The following CCDC88A variants were observed in gnomAD, a reference collection of about 807,000 sequenced individuals.
CCDC88A encodes coiled-coil and HOOK domain protein 88A, also known as girdin.
In CCDC88A, 54 loss-of-function variants were observed where a neutral mutation model predicts 234.3. The observed-to-expected ratio is 0.23, with a 90% CI of 0.19 to 0.29. CCDC88A has a LOEUF of 0.29. CCDC88A is among the 10% of genes least tolerant of loss of function. CCDC88A has a pLI of 1.00. For synonymous variants in CCDC88A, 753 were observed against 737.8 expected (o/e 1.02, Z -0.33); for missense variants, 1,832 against 2,123.4 (o/e 0.86, Z 2.70).
intron 2 of CCDC88A, among the ~76,000 whole-genome samples, chr2:55,408,115 C>G (rs1475020176): frequency 6.6e-6 from 1 of 152,020 alleles, no homozygotes; most frequent in Non-Finnish European, 1.5e-5. Context: ...TCCTTCTCCA[C>G]TTTACGTATC....
intron 2 of CCDC88A, chr2:55,416,967 C>T (rs1286004739): frequency 6.7e-6 from 1 of 149,600 alleles, no homozygotes. Context: ...ATTAGGACAC[C>T]GAAAAAAAAT....
chr2:55,389,049 T>G (rs911401729), intron 2 of CCDC88A, among the ~76,000 whole-genome samples, 163 bp from the exon 3 acceptor site: 1 of 152,182 alleles, frequency 6.6e-6, no homozygotes, highest in African/African-American at 2.4e-5. Flanking sequence ...TGACATGTAT[T>G]CCGTGCTTCT....
At chr2:55,407,679 AT>A (rs1411856926) in intron 2 of CCDC88A, among the ~76,000 whole-genome samples, 26 of 151,116 alleles carry the variant, frequency 1.7e-4, no homozygotes, top group African/African-American at 6.3e-4. Context: ...CCACTATTAC[AT>A]TATTTCTTAA....
intron 2 of CCDC88A, among the ~76,000 whole-genome samples, chr2:55,399,147 A>T (rs1678139855): frequency 6.6e-6 from 1 of 152,172 alleles, no homozygotes; most frequent in South Asian, 2.1e-4. Flanking sequence ...GAAGTCATAG[A>T]CAATGTCTAA....
intron 17 of CCDC88A, among the ~76,000 whole-genome samples, chr2:55,327,011 GACA>G (rs1684349136): frequency 6.6e-6 from 1 of 152,134 alleles, no homozygotes; most frequent in African/African-American, 2.4e-5. Context: ...AAAAATTCAG[GACA>G]ACAAGCAGGT....
At chr2:55,403,486 A>G (rs1270336803) in intron 2 of CCDC88A, 2 of 152,276 alleles carry the variant, frequency 1.3e-5, no homozygotes, top group Non-Finnish European at 2.9e-5. Context: ...CGAGAAGAAT[A>G]CAATGATTGC....
chr2:55,371,615 G>A (rs1297637356), intron 5 of CCDC88A, among the ~76,000 whole-genome samples: 1 of 152,078 alleles, frequency 6.6e-6, no homozygotes, highest in Non-Finnish European at 1.5e-5. Context: ...GTTTGCCTGG[G>A]ACAGTCCCAG....
intron 3 of CCDC88A, among the ~76,000 whole-genome samples, chr2:55,383,894 G>GAAATA (rs1675025055): frequency 6.6e-6 from 1 of 152,102 alleles, no homozygotes; most frequent in African/African-American, 2.4e-5. Context: ...TCTATTAACT[G>GAAATA]TATATATAAA....
chr2:55,411,998 A>T (rs61379198), intron 2 of CCDC88A, among the ~76,000 whole-genome samples: 84,701 of 151,900 alleles, frequency 0.56, 24,852 homozygotes, highest in Admixed American at 0.65. Context: ...AACAAAAAGG[A>T]GAAACAGAAG....
intron 25 of CCDC88A, among the ~76,000 whole-genome samples, chr2:55,304,021 T>G (rs1244481119): frequency 6.6e-6 from 1 of 152,186 alleles, no homozygotes; most frequent in East Asian, 1.9e-4. Flanking sequence ...TTAAAAACTT[T>G]AAGATTTCGA....
chr2:55,417,937 T>C (rs1386724546), intron 2 of CCDC88A: 1 of 135,558 alleles, frequency 7.4e-6, no homozygotes, highest in Non-Finnish European at 1.6e-5. Context: ...AGACTAAGTA[T>C]ACATTACTTT....
chr2:55,295,154 A>T, intron 31 of CCDC88A: 1 of 1,307,362 alleles, frequency 7.6e-7, no homozygotes, highest in South Asian at 1.2e-5. Flanking sequence ...GGCATGCAGA[A>T]GTGACAAGAT....
chr2:55,301,090 C>G (rs1248743287), intron 28 of CCDC88A, 116 bp downstream of exon 28: 2 of 656,400 alleles, frequency 3.0e-6, no homozygotes, highest in African/African-American at 3.7e-5. Flanking sequence ...CTATGAGATG[C>G]AGGATAGAGA....
At chr2:55,293,908 T>C (rs1679728836) in intron 31 of CCDC88A, 1 of 149,476 alleles carries the variant, frequency 6.7e-6, no homozygotes, top group African/African-American at 2.5e-5. Flanking sequence ...TTAACAAATA[T>C]TTTCTTACTT....
intron 22 of CCDC88A, 166 bp from the exon 23 acceptor site, chr2:55,312,745 C>A: frequency 1.8e-6 from 1 of 542,222 alleles, no homozygotes; most frequent in South Asian, 2.7e-5. Flanking sequence ...ACCTACAGCA[C>A]TGGGTTACAT....
rs960657882 is a variant in CCDC88A at position 55,367,483 on chromosome 2, T to C, written c.403-3450A>G. On this transcript the variant is annotated intron_variant, in intron 5 of 32. Coordinates refer to ENST00000436346, the MANE Select transcript of CCDC88A (RefSeq NM_001365480.1). ...TGAGCTATATTTGTATTTTTAAATA[T>C]TCTCAGAAAAACAAATGCCTTGCTA... is the stretch of plus-strand genomic sequence containing the variant. Among the ~76,000 whole-genome samples, 13 of 150,486 alleles carry C rather than the reference T, an allele frequency of 8.6e-5. 1 individual carries two copies. Among genetic ancestry groups the C allele is most frequent in the African/African-American group, 3.2e-4 (13 of 40,840 alleles).
intron 2 of CCDC88A, among the ~76,000 whole-genome samples, chr2:55,402,966 G>A (rs553138005): frequency 2.3e-4 from 35 of 151,768 alleles, no homozygotes; most frequent in Admixed American, 9.8e-4. Context: ...CCGAGATCAC[G>A]CCACTGCACT....
chr2:55,295,750 C>T lies in CCDC88A; in HGVS notation c.5398G>A (p.Ala1800Thr), dbSNP rs775144967. The T allele has an allele frequency of 2.5e-6, 4 of 1,614,172 alleles. No homozygotes were observed. Among genetic ancestry groups the T allele is most frequent in the Non-Finnish European group, 3.4e-6 (4 of 1,180,026 alleles). Residue 1800 changes from alanine to threonine, a missense_variant, in exon 31 of 33, where the codon GCA (alanine) becomes ACA (threonine). By Grantham distance (58) the Ala-to-Thr change is moderately conservative. Coordinates refer to ENST00000436346, the MANE Select transcript of CCDC88A (RefSeq NM_001365480.1). ...SRQSKDSNPY[A>T]TLPRASSVIS... ...ACGCTGCTTGCACGAGGTAAAGTTG[C>T]ATAAGGGTTACTATCTTTTGATTGT... is the stretch of plus-strand genomic sequence containing the variant.
At chr2:55,348,209 C>T (rs776519729) in intron 9 of CCDC88A, among the ~76,000 whole-genome samples, 18 of 152,208 alleles carry the variant, frequency 1.2e-4, no homozygotes, top group Non-Finnish European at 7.3e-5. Context: ...AAGCAACCCA[C>T]CTGCCTTGGC....
Sources: gnomAD v4.1 joint callset for allele counts (sites outside exome capture counted in the v4.1 genomes callset) on GRCh38, gnomAD v4.1.1 for gene constraint, MANE v1.5 for transcripts, NCBI Gene and HGNC (gene_info 2026-07-23, HGNC 2026-07-21) for gene names.